Variants in GABRG3 observed in about 807,000 individuals in gnomAD.
GABRG3 encodes the protein gamma-aminobutyric acid receptor subunit gamma-3.
Under a neutral mutation model 48.8 loss-of-function variants are expected in GABRG3, and 25 were observed. The ratio of observed to expected loss-of-function variants is 0.51; its 90% CI spans 0.37 to 0.72. The LOEUF (loss-of-function observed/expected upper bound fraction) is 0.72, where lower values mean the gene tolerates loss of function less well. Ranked by LOEUF, GABRG3 falls within the 30% of genes least tolerant of loss-of-function variation. The pLI is 0.00. For missense variants in GABRG3, 394 were observed against 577.9 expected (o/e 0.68, Z 3.26); for synonymous variants, 227 against 217.6 (o/e 1.04, Z -0.38).
intron 3 of GABRG3, among the ~76,000 whole-genome samples, chr15:27,055,554 C>A (rs1477979305): frequency 6.6e-6 from 1 of 152,132 alleles, no homozygotes; most frequent in Non-Finnish European, 1.5e-5. Flanking sequence ...CACAGTCAAA[C>A]GCTGGCGCAG....
intron 3 of GABRG3, among the ~76,000 whole-genome samples, chr15:27,245,662 A>T (rs1212853534): frequency 6.6e-6 from 1 of 151,818 alleles, no homozygotes; most frequent in Non-Finnish European, 1.5e-5. Flanking sequence ...TTACAACGTC[A>T]GGAGTTCGAA....
chr15:26,977,877 T>C (rs952893333), intron 2 of GABRG3, among the ~76,000 whole-genome samples: 1 of 152,268 alleles, frequency 6.6e-6, no homozygotes, highest in Admixed American at 6.5e-5. Flanking sequence ...GCAGTATGTT[T>C]AATTGCTTAA....
At chr15:27,284,442 A>G (rs1891541440) in intron 3 of GABRG3, among the ~76,000 whole-genome samples, 1 of 152,220 alleles carries the variant, frequency 6.6e-6, no homozygotes, top group Non-Finnish European at 1.5e-5. Flanking sequence ...AAATAAAAGT[A>G]TCATCTATAT....
chr15:27,260,588 C>T (rs1890740444), intron 3 of GABRG3, among the ~76,000 whole-genome samples: 1 of 152,278 alleles, frequency 6.6e-6, no homozygotes, highest in South Asian at 2.1e-4. Flanking sequence ...GACGCAAACA[C>T]CATGCCATTT....
At chr15:27,168,577 G>A (rs1341835129) in intron 3 of GABRG3, among the ~76,000 whole-genome samples, 2 of 152,176 alleles carry the variant, frequency 1.3e-5, no homozygotes, top group African/African-American at 2.4e-5. Flanking sequence ...ACACAGTATC[G>A]CCTAAGGTGA....
At chr15:27,233,731 C>T (rs1277672503) in intron 3 of GABRG3, among the ~76,000 whole-genome samples, 1 of 152,192 alleles carries the variant, frequency 6.6e-6, no homozygotes, top group Non-Finnish European at 1.5e-5. Flanking sequence ...GAACCCACTA[C>T]ATGAACATTT....
intron 3 of GABRG3, among the ~76,000 whole-genome samples, chr15:27,149,306 C>T (rs1898267034): frequency 6.6e-6 from 1 of 150,938 alleles, no homozygotes; most frequent in Admixed American, 6.6e-5. Flanking sequence ...GACTTGTATA[C>T]TAGGAACTAA....
intron 6 of GABRG3, among the ~76,000 whole-genome samples, chr15:27,502,923 C>T (rs1486569623): frequency 1.3e-5 from 2 of 152,230 alleles, no homozygotes; most frequent in East Asian, 3.9e-4. Context: ...GTTCCTGTTC[C>T]TGCCAGCCTC....
chr15:27,132,705 TAGTC>T (rs1045361455), intron 3 of GABRG3, among the ~76,000 whole-genome samples: 11 of 151,522 alleles, frequency 7.3e-5, no homozygotes, highest in African/African-American at 2.7e-4. Context: ...CTTCATTTAT[TAGTC>T]AGTATAGGTA....
chr15:27,037,613 T>C (rs1896202029), intron 3 of GABRG3, among the ~76,000 whole-genome samples: 1 of 152,144 alleles, frequency 6.6e-6, no homozygotes. Context: ...AGCTTCCCTA[T>C]CTTAGTACAC....
chr15:27,540,142 C>T lies in GABRG3; in HGVS notation c.*7261C>T, dbSNP rs1273158747. 6.6e-6 allele frequency: 1 copy of T among 152,202 alleles called. No individual in the cohort carries two copies. Among genetic ancestry groups the T allele is most frequent in the African/African-American group, 2.4e-5 (1 of 41,444 alleles). 9.4% of individuals were successfully genotyped at this position (152,202 alleles called of 1,614,324 possible). A position where few individuals can be genotyped will look rare whatever the true frequency, so the allele number is the denominator to read the frequency against. On this transcript the variant is annotated 3_prime_UTR_variant, in exon 10 of 10. Coordinates refer to ENST00000615808, the MANE Select transcript of GABRG3 (RefSeq NM_033223.5). ...ATACAGATCCTACTCCAAAATTTTG[C>T]TCGCCTAAAACATTTCCAGAACTGC... is the stretch of plus-strand genomic sequence containing the variant.
intron 5 of GABRG3, among the ~76,000 whole-genome samples, chr15:27,460,151 T>C (rs1889404973): frequency 6.6e-6 from 1 of 152,246 alleles, no homozygotes; most frequent in Non-Finnish European, 1.5e-5. Flanking sequence ...TAACCGGAAG[T>C]ACCTCAAATA....
intron 3 of GABRG3, among the ~76,000 whole-genome samples, chr15:27,256,399 C>T (rs1370975525): frequency 6.6e-6 from 1 of 150,570 alleles, no homozygotes; most frequent in Non-Finnish European, 1.5e-5. Flanking sequence ...CGAGATGGCG[C>T]CACTGCACTC....
rs1163613403 is a variant in GABRG3 at position 27,307,831 on chromosome 15, CAT to C, written c.271-18972_271-18971del. ...TAAACATATATAAAATAAACATAAA[CAT>C]ATATAAAATAAACATGTTTATATAT... On this transcript the variant is annotated intron_variant, in intron 3 of 9. Transcript: ENST00000615808. Among the ~76,000 whole-genome samples, 426 of 107,666 alleles carry C rather than the reference CAT, an allele frequency of 4.0e-3. 13 individuals carry two copies. The highest frequency in any genetic ancestry group is 0.012 in the African/African-American group (343 of 27,738). 70.6% of individuals were successfully genotyped at this position (107,666 alleles called of 152,430 possible).
chr15:27,463,159 A>C (rs916736853), intron 5 of GABRG3, among the ~76,000 whole-genome samples: 2 of 152,194 alleles, frequency 1.3e-5, no homozygotes, highest in African/African-American at 4.8e-5. Context: ...ATTTTATTTG[A>C]ATTACAAACA....
At chr15:27,530,996 T>C (rs1174236338) in intron 9 of GABRG3, 5 of 280,108 alleles carry the variant, frequency 1.8e-5, no homozygotes, top group East Asian at 2.0e-4. Flanking sequence ...TTTTAGCAAA[T>C]GCTTGGCGAT....
intron 5 of GABRG3, among the ~76,000 whole-genome samples, chr15:27,329,625 C>A (rs1041877147): frequency 6.6e-6 from 1 of 152,130 alleles, no homozygotes; most frequent in Admixed American, 6.5e-5. Context: ...ACAAATTTTT[C>A]TTTAATTTTA....
intron 2 of GABRG3, among the ~76,000 whole-genome samples, chr15:27,003,669 A>T (rs966482516): frequency 1.2e-4 from 19 of 152,032 alleles, no homozygotes; most frequent in African/African-American, 4.6e-4. Flanking sequence ...TCTTTTCCCC[A>T]CCTTTCCCCC....
At chr15:27,214,255 C>T (rs550532866) in intron 3 of GABRG3, among the ~76,000 whole-genome samples, 81 of 152,222 alleles carry the variant, frequency 5.3e-4, no homozygotes, top group African/African-American at 1.9e-3. Context: ...TTTTTAACCA[C>T]GGAATGTGAA....
Sources: allele counts gnomAD v4.1 joint callset (sites outside exome capture counted in the v4.1 genomes callset), GRCh38; gene constraint gnomAD v4.1.1; transcripts MANE v1.5; gene names NCBI Gene and HGNC (gene_info 2026-07-23, HGNC 2026-07-21).